The following FABP5 variants were observed in gnomAD, a reference collection of about 807,000 sequenced individuals.
The protein encoded by FABP5 is fatty acid binding protein 5.
Under a neutral mutation model 16.9 loss-of-function variants are expected in FABP5, and 7 were observed. The observed-to-expected ratio is 0.41, with a 90% confidence interval of 0.24 to 0.78. The LOEUF (loss-of-function observed/expected upper bound fraction) is 0.78. Among genes scored for constraint, FABP5 ranks in the 30% least tolerant of loss-of-function variants. The pLI is 0.30. For synonymous variants in FABP5, 37 were observed against 52.8 expected, an observed-to-expected ratio of 0.70 and a Z score of 1.30; for missense variants, 119 against 159.5, an observed-to-expected ratio of 0.75 and a Z score of 1.37.
At chr8:81,284,474 A>T in intron 3 of FABP5, 40 bp from the exon 4 acceptor site, 1 of 1,418,604 alleles carries the variant, frequency 7.0e-7, no homozygotes, top group Non-Finnish European at 1.0e-6. Flanking sequence ...TCTGGAATCT[A>T]AGGCTAACCT....
At chr8:81,283,587 C>A in intron 2 of FABP5, 49 bp downstream of exon 2, 7 of 1,515,012 alleles carry the variant, frequency 4.6e-6, no homozygotes, top group Non-Finnish European at 6.3e-6. Flanking sequence ...GAATGATAGG[C>A]TGTATCAATA....
At position 81,280,655 on chromosome 8, in the gene FABP5, T is replaced by A. The variant is rs369649341; in HGVS notation, c.60T>A (p.Asp20Glu). ...GCCTGGTGGACAGCAAAGGCTTTGA[T>A]GAATACATGAAGGAGCTAGGTGAGG... ...RWRLVDSKGFDEYMKELGVGI... is the reference protein window; with the variant it reads ...RWRLVDSKGFEEYMKELGVGI... Residue 20 changes from aspartate (D) to glutamate (E), a missense_variant, in exon 1 of 4, where the codon GAT becomes GAA. Asp to Glu is a conservative substitution (Grantham distance 45). Coordinates refer to ENST00000297258, the MANE Select transcript of FABP5 (RefSeq NM_001444.3). 2 of 1,559,142 alleles carry A rather than the reference T, an allele frequency of 1.3e-6. No individual in the cohort carries two copies. The highest frequency in any genetic ancestry group is 1.9e-5 in the Admixed American group (1 of 51,600).
chr8:81,283,679 C>T (rs1049863398), intron 2 of FABP5, 141 bp downstream of exon 2: 8 of 1,070,884 alleles, frequency 7.5e-6, no homozygotes, highest in Non-Finnish European at 1.1e-5. Context: ...AAAGTATCAA[C>T]TTCATCATAG....
intron 1 of FABP5, chr8:81,280,988 C>A: frequency 3.0e-6 from 1 of 329,354 alleles, no homozygotes; most frequent in Non-Finnish European, 5.7e-6. Context: ...GCATTGCTTC[C>A]TGTCCTTTAG....
At position 81,283,994 on chromosome 8, in the gene FABP5, G is replaced by A. The variant is rs775743786; in HGVS notation, c.354+20G>A. The A allele has an allele frequency of 3.2e-6, 5 of 1,540,026 alleles. No homozygotes were observed. In the African/African-American group the frequency reaches 6.8e-5, roughly 21 times the overall value. ...GTGGTGGTAAGTGTCAAACTGCTGTGTCTCAGTCAGCTTCTTGTGTGCATT... is the reference window on the plus strand; with the variant it reads ...GTGGTGGTAAGTGTCAAACTGCTGTATCTCAGTCAGCTTCTTGTGTGCATT... On this transcript the variant is annotated intron_variant, in intron 3 of 3. Coordinates refer to ENST00000297258, the MANE Select transcript of FABP5 (RefSeq NM_001444.3).
chr8:81,281,343 G>T lies in FABP5; in HGVS notation c.79+669G>T. 2 of 985,524 alleles carry T rather than the reference G, an allele frequency of 2.0e-6. No homozygotes were observed. Among genetic ancestry groups the T allele is most frequent in the South Asian group, 4.7e-5 (1 of 21,284 alleles). 61.0% of individuals were successfully genotyped at this position (985,524 alleles called of 1,614,324 possible). Reference sequence around the variant, plus strand: ...TCTGCTCGCCCTTACCAGTTGAGCCGAACCCTTTGGATTGGTACCCCATGG... The same window carrying T: ...TCTGCTCGCCCTTACCAGTTGAGCCTAACCCTTTGGATTGGTACCCCATGG... On this transcript the variant is annotated intron_variant, in intron 1 of 3. Coordinates refer to ENST00000297258, the MANE Select transcript of FABP5 (RefSeq NM_001444.3). The surrounding 1 kb of genome is among the most constrained non-coding windows in gnomAD (Gnocchi z 4.5).
chr8:81,283,711 A>G (rs1807869708), intron 2 of FABP5, among the ~76,000 whole-genome samples, 162 bp from the exon 3 acceptor site: 1 of 152,364 alleles, frequency 6.6e-6, no homozygotes, highest in Non-Finnish European at 1.5e-5. Flanking sequence ...TTTATTAGCT[A>G]CTAGGTTGAA....
At chr8:81,284,360 G>T in intron 3 of FABP5, 154 bp from the exon 4 acceptor site, 1 of 580,334 alleles carries the variant, frequency 1.7e-6, no homozygotes, top group Non-Finnish European at 3.1e-6. Context: ...ACAGCTTCTG[G>T]CTTCTCTCAA....
In FABP5 at chr8:81,281,365, A is replaced by G. The variant is rs928813779; in HGVS notation, c.79+691A>G. 7 of 985,364 alleles carry G rather than the reference A, an allele frequency of 7.1e-6. No homozygotes were observed. The highest frequency in any genetic ancestry group is 7.0e-5 in the African/African-American group (4 of 57,186). The allele number at this position is 985,364 out of a possible 1,614,324, so 61.0% of individuals were successfully genotyped here. A position where few individuals can be genotyped will look rare whatever the true frequency, so the allele number is the denominator to read the frequency against. ...GCCGAACCCTTTGGATTGGTACCCC[A>G]TGGAACACCAGGGCCCCCGAGAAGC... On this transcript the variant is annotated intron_variant, in intron 1 of 3. Transcript: ENST00000297258. The surrounding 1 kb of genome is among the most constrained non-coding windows in gnomAD (Gnocchi z 4.5).
At chr8:81,280,723 C>T (rs1483425198) in intron 1 of FABP5, 49 bp downstream of exon 1, 1 of 1,508,832 alleles carries the variant, frequency 6.6e-7, no homozygotes, top group Non-Finnish European at 9.0e-7. Context: ...GTTGTGCGGT[C>T]GTCTGTCCCT....
At position 81,280,607 on chromosome 8, in the gene FABP5, T is replaced by C; in HGVS notation, c.12T>C (p.Val4=). The C allele has an allele frequency of 6.4e-7, 1 of 1,556,374 alleles. No homozygotes were observed. Among genetic ancestry groups the C allele is most frequent in the South Asian group, 1.2e-5 (1 of 84,424 alleles). Residue 4 remains valine, a synonymous_variant, in exon 1 of 4, where the codon GTT becomes GTC. Coordinates refer to ENST00000297258, the MANE Select transcript of FABP5 (RefSeq NM_001444.3). ...CGCCCGCACCCACCATGGCCACAGTTCAGCAGCTGGAAGGAAGATGGCGCC... is the reference window on the plus strand; with the variant it reads ...CGCCCGCACCCACCATGGCCACAGTCCAGCAGCTGGAAGGAAGATGGCGCC... MAT[V]QQLEGRWRLV...
intron 1 of FABP5, among the ~76,000 whole-genome samples, chr8:81,282,759 T>G (rs1198512453): frequency 2.0e-5 from 3 of 152,208 alleles, no homozygotes; most frequent in Non-Finnish European, 4.4e-5. Context: ...TTTAAAAGAT[T>G]GTGCTATTTG....
chr8:81,282,488 CG>C (rs1256820357), intron 1 of FABP5, among the ~76,000 whole-genome samples: 2 of 152,240 alleles, frequency 1.3e-5, no homozygotes, highest in Admixed American at 1.3e-4. Flanking sequence ...AATCATGCTG[CG>C]TAGGTTGTAG....
intron 1 of FABP5, among the ~76,000 whole-genome samples, chr8:81,282,594 A>G (rs1016668718): frequency 2.6e-5 from 4 of 152,188 alleles, no homozygotes. Flanking sequence ...CATAAATTAC[A>G]TGTTAACGTT....
At position 81,284,555 on chromosome 8, in the gene FABP5, A is replaced by G; in HGVS notation, c.396A>G (p.Glu132=). ...ATGTCACCTGTACTCGGATCTATGA[A>G]AAAGTAGAATAAAAATTCCATCATC... ...MNNVTCTRIY[E]KVE The change falls in exon 4 of 4, where the codon GAA becomes GAG. Residue 132 remains glutamate, a synonymous_variant. Transcript: ENST00000297258. 1.9e-6 allele frequency: 3 copies of G among 1,593,626 alleles called. No individual in the cohort carries two copies. Among genetic ancestry groups the G allele is most frequent in the Non-Finnish European group, 2.6e-6 (3 of 1,165,078 alleles).
rs376469447 is a variant in FABP5, at chr8:81,283,963, A to G, written c.343A>G (p.Lys115Glu). ...STITRKLKDGKLVVECVMNNV... is the reference protein window; with the variant it reads ...STITRKLKDGELVVECVMNNV... ...AATAACAAGAAAATTGAAAGATGGG[A>G]AATTAGTGGTGGTAAGTGTCAAACT... Residue 115 changes from lysine (K) to glutamate (E), a missense_variant, in exon 3 of 4, where the codon AAA (lysine) becomes GAA (glutamate). Physicochemically the swap from Lys to Glu is moderately conservative, Grantham distance 56 (BLOSUM62 1). Transcript: ENST00000297258. 6.2e-7 allele frequency: 1 copy of G among 1,606,934 alleles called. No individual in the cohort carries two copies. Among genetic ancestry groups the G allele is most frequent in the Non-Finnish European group, 8.5e-7 (1 of 1,177,408 alleles).
In FABP5 at chr8:81,280,630, G is replaced by A. The variant is rs750516521; in HGVS notation, c.35G>A (p.Arg12His). 24 of 1,559,682 alleles carry A rather than the reference G, an allele frequency of 1.5e-5. No individual in the cohort carries two copies. The Admixed American group carries it at 4.6e-4, about 30-fold the overall frequency. Reference protein sequence around the residue: ...ATVQQLEGRWRLVDSKGFDEY... With the variant: ...ATVQQLEGRWHLVDSKGFDEY... The stretch of plus-strand genomic sequence containing the variant: ...GTTCAGCAGCTGGAAGGAAGATGGC[G>A]CCTGGTGGACAGCAAAGGCTTTGAT... The change falls in exon 1 of 4, where the codon CGC (arginine) becomes CAC (histidine). Residue 12 changes from arginine to histidine, a missense_variant. Arg to His is a conservative substitution (Grantham distance 29). Coordinates refer to ENST00000297258, the MANE Select transcript of FABP5 (RefSeq NM_001444.3).
In FABP5 at chr8:81,280,667, G is replaced by A. The variant is rs1351417893; in HGVS notation, c.72G>A (p.Lys24=). Residue 24 remains lysine, a synonymous_variant, in exon 1 of 4, where the codon AAG becomes AAA. Transcript: ENST00000297258. Reference sequence around the variant, plus strand: ...GCAAAGGCTTTGATGAATACATGAAGGAGCTAGGTGAGGCACCCGGCCTGG... The same window carrying A: ...GCAAAGGCTTTGATGAATACATGAAAGAGCTAGGTGAGGCACCCGGCCTGG... ...VDSKGFDEYM[K]ELGVGIALRK... is the part of the protein sequence containing the mutation. 3.9e-6 allele frequency: 6 copies of A among 1,557,688 alleles called. No homozygotes were observed. In the South Asian group the frequency reaches 7.1e-5, roughly 18 times the overall value.
At position 81,282,778 on chromosome 8, in the gene FABP5, A is replaced by G. The variant is rs551445023; in HGVS notation, c.80-588A>G. Among the ~76,000 whole-genome samples the G allele has an allele frequency of 5.9e-5, 9 of 152,290 alleles. No homozygotes were observed. In the East Asian group the frequency reaches 1.7e-3, roughly 29 times the overall value. ...AAAGATTGTGCTATTTGAATATCTCAGGATCAATTTCTATTTTGTGTAGTC... is the reference window on the plus strand; with the variant it reads ...AAAGATTGTGCTATTTGAATATCTCGGGATCAATTTCTATTTTGTGTAGTC... On this transcript the variant is annotated intron_variant, in intron 1 of 3. Coordinates refer to ENST00000297258, the MANE Select transcript of FABP5 (RefSeq NM_001444.3).
Sources: gnomAD v4.1 joint callset for allele counts (sites outside exome capture counted in the v4.1 genomes callset) on GRCh38, gnomAD v4.1.1 for gene constraint, Gnocchi (gnomAD v3.1) non-coding constraint, MANE v1.5 for transcripts, NCBI Gene and HGNC (gene_info 2026-07-23, HGNC 2026-07-21) for gene names.